Variants in TNRC6B observed in about 807,000 individuals in gnomAD.
The protein encoded by TNRC6B is trinucleotide repeat containing adaptor 6B.
In TNRC6B, 52 loss-of-function variants were observed where a neutral mutation model predicts 203.6. The ratio of observed to expected loss-of-function variants is 0.26; its 90% confidence interval spans 0.20 to 0.32. The LOEUF (loss-of-function observed/expected upper bound fraction) is 0.32. Among genes scored for constraint, TNRC6B ranks in the 10% least tolerant of loss-of-function variants. The pLI is 1.00. For missense variants in TNRC6B, 1,923 were observed against 2,286.2 expected, an observed-to-expected ratio of 0.84 and a Z score of 3.24; for synonymous variants, 838 against 845.7, an observed-to-expected ratio of 0.99 and a Z score of 0.16.
intron 1 of TNRC6B, among the ~76,000 whole-genome samples, chr22:40,221,901 A>G (rs974133688): frequency 1.1e-4 from 17 of 152,050 alleles, no homozygotes; most frequent in African/African-American, 2.9e-4. Flanking sequence ...CAAGGAGTCC[A>G]TATGTGGGGG....
At chr22:40,287,425 G>A (rs951004873) in intron 12 of TNRC6B, among the ~76,000 whole-genome samples, 3 of 152,062 alleles carry the variant, frequency 2.0e-5, no homozygotes, top group Admixed American at 2.0e-4. Flanking sequence ...TTCTTAGTGG[G>A]GGAGGTCAGG....
chr22:40,117,761 A>G (rs6001775), intron 2 of TNRC6B, among the ~76,000 whole-genome samples: 18,492 of 151,930 alleles, frequency 0.12, 3,652 homozygotes, highest in African/African-American at 0.42. Context: ...TTTTCCTGTT[A>G]TCTTCTTCTC....
chr22:40,149,874 C>T (rs1386511145), intron 3 of TNRC6B, among the ~76,000 whole-genome samples: 1 of 152,028 alleles, frequency 6.6e-6, no homozygotes, highest in East Asian at 1.9e-4. Context: ...TCATAGCTCA[C>T]TGCAGCCTTG....
At chr22:40,277,382 C>T (rs1375916868) in intron 8 of TNRC6B, among the ~76,000 whole-genome samples, 5 of 151,998 alleles carry the variant, frequency 3.3e-5, no homozygotes, top group Non-Finnish European at 7.4e-5. Flanking sequence ...TGTCCTTTTC[C>T]TTAGGAGGAT....
At chr22:40,134,888 C>T (rs2068585330) in intron 3 of TNRC6B, among the ~76,000 whole-genome samples, 1 of 152,152 alleles carries the variant, frequency 6.6e-6, no homozygotes, top group African/African-American at 2.4e-5. Flanking sequence ...GACTCCATTA[C>T]CAAGACAGCA....
At chr22:40,253,569 C>G in intron 3 of TNRC6B, 1 of 455,764 alleles carries the variant, frequency 2.2e-6, no homozygotes, top group Non-Finnish European at 4.4e-6. Context: ...GTTTCACAGT[C>G]TCCCTACTCT....
chr22:40,058,992 G>C (rs1263805647), intron 1 of TNRC6B, among the ~76,000 whole-genome samples: 1 of 152,052 alleles, frequency 6.6e-6, no homozygotes, highest in Non-Finnish European at 1.5e-5. Flanking sequence ...TTAGCAACCT[G>C]TCCTTACTGT....
chr22:40,202,519 T>C (rs1037761367), intron 1 of TNRC6B, among the ~76,000 whole-genome samples: 1 of 151,886 alleles, frequency 6.6e-6, no homozygotes, highest in African/African-American at 2.4e-5. Context: ...CAAAAAGGAG[T>C]CCATCTTTCA....
At position 40,107,138 on chromosome 22, in the gene TNRC6B, G is replaced by T. The variant is rs1335918472; in HGVS notation, c.-120-9917G>T. The T allele has an allele frequency of 8.5e-6, 5 of 586,348 alleles. No individual in the cohort carries two copies. The African/African-American group carries it at 9.3e-5, about 11-fold the overall frequency. 36.3% of individuals were successfully genotyped at this position (586,348 alleles called of 1,614,324 possible). A position where few individuals can be genotyped will look rare whatever the true frequency, so the allele number is the denominator to read the frequency against. ...TCTTAATTTTCATGTAGTCATGTTT[G>T]TCAGGTTTTTAATACTAGGTACTTT... On this transcript the variant is annotated intron_variant, in intron 1 of 23. Coordinates refer to the TNRC6B transcript ENST00000301923.
At chr22:40,150,277 C>T (rs537694179) in intron 3 of TNRC6B, among the ~76,000 whole-genome samples, 427 of 152,268 alleles carry the variant, frequency 2.8e-3, no homozygotes, top group African/African-American at 8.7e-3. Flanking sequence ...ACTTGGGAGG[C>T]TGAGGCAGGA....
intron 16 of TNRC6B, 110 bp from the exon 17 acceptor site, chr22:40,310,707 T>C (rs2071165355): frequency 9.1e-7 from 1 of 1,101,944 alleles, no homozygotes; most frequent in Non-Finnish European, 1.3e-6. Context: ...GTGCTGTTTG[T>C]ATATACTCCA....
intron 3 of TNRC6B, among the ~76,000 whole-genome samples, chr22:40,258,157 C>G (rs913864917): frequency 7.9e-6 from 1 of 126,386 alleles, no homozygotes; most frequent in Non-Finnish European, 1.6e-5. Context: ...AGCCACAAAC[C>G]TTTCCTCTGG....
intron 2 of TNRC6B, among the ~76,000 whole-genome samples, chr22:40,246,705 T>G (rs1276444180): frequency 6.6e-6 from 1 of 152,204 alleles, no homozygotes; most frequent in Non-Finnish European, 1.5e-5. Context: ...ATTTGTATAT[T>G]AATTTAATCT....
intron 4 of TNRC6B, among the ~76,000 whole-genome samples, chr22:40,170,545 T>A (rs1241765298): frequency 1.3e-3 from 22 of 17,330 alleles, no homozygotes; most frequent in South Asian, 4.5e-3. Context: ...TATATATATA[T>A]TATATATATA....
chr22:40,300,475 G>A lies in TNRC6B; in HGVS notation c.3729G>A (p.Lys1243=). 1 of 1,589,608 alleles carries A rather than the reference G, an allele frequency of 6.3e-7. No homozygotes were observed. The highest frequency in any genetic ancestry group is 2.3e-5 in the East Asian group (1 of 44,272). Residue 1243 remains lysine (K), a synonymous_variant, in exon 13 of 23, where the codon AAG becomes AAA. Coordinates refer to ENST00000454349, the MANE Select transcript of TNRC6B (RefSeq NM_001162501.2). ...ISPQVSASML[K]QFPNSGLSPG... is the part of the protein sequence containing the mutation. ...GCTAGGTTTCTGCCTCAATGCTCAA[G>A]CAGTTTCCCAACAGTGGCCTGAGTC...
At chr22:40,201,715 A>G (rs2069414699) in intron 1 of TNRC6B, among the ~76,000 whole-genome samples, 1 of 151,996 alleles carries the variant, frequency 6.6e-6, no homozygotes, top group Non-Finnish European at 1.5e-5. Context: ...GTGAGCCACC[A>G]CACCCAGCCT....
At chr22:40,186,881 A>G (rs1212041208) in intron 1 of TNRC6B, among the ~76,000 whole-genome samples, 3 of 152,228 alleles carry the variant, frequency 2.0e-5, no homozygotes, top group Non-Finnish European at 2.9e-5. Context: ...TTTTGTACCA[A>G]GACTTTGAAA....
At chr22:40,083,596 A>G (rs1236873101) in intron 1 of TNRC6B, among the ~76,000 whole-genome samples, 1 of 152,142 alleles carries the variant, frequency 6.6e-6, no homozygotes, top group African/African-American at 2.4e-5. Context: ...ACATACTAGA[A>G]CATGTATGCA....
chr22:40,173,153 T>A (rs6001823), upstream of TNRC6B, among the ~76,000 whole-genome samples: 103,071 of 151,896 alleles, frequency 0.68, 36,741 homozygotes, highest in African/African-American at 0.9. Flanking sequence ...AGTCTCGCTC[T>A]ACTGGTGATC....
Sources: allele counts gnomAD v4.1 joint callset (sites outside exome capture counted in the v4.1 genomes callset), GRCh38; gene constraint gnomAD v4.1.1; transcripts MANE v1.5; gene names NCBI Gene and HGNC (gene_info 2026-07-23, HGNC 2026-07-21).